GPAM: variants seen among roughly 807,000 people sequenced by gnomAD.
GPAM encodes the protein glycerol-3-phosphate acyltransferase 1, mitochondrial.
GPAM carries 56 observed loss-of-function variants against 105.0 expected under a neutral mutation model. The ratio of observed to expected loss-of-function variants is 0.53; its 90% CI spans 0.43 to 0.67. The LOEUF is 0.67. GPAM is among the 30% of genes least tolerant of loss of function. GPAM has a pLI of 0.00. For missense variants in GPAM, 855 were observed against 989.8 expected, an observed-to-expected ratio of 0.86 and a Z score of 1.83; for synonymous variants, 368 against 354.4, an observed-to-expected ratio of 1.04 and a Z score of -0.43.
At chr10:112,209,775 C>G (rs1049085278) in intron 1 of GPAM, among the ~76,000 whole-genome samples, 2 of 152,208 alleles carry the variant, frequency 1.3e-5, no homozygotes, top group Admixed American at 1.3e-4. Context: ...GGCAACCATC[C>G]CTTTCCTGCA....
the GPAM span, among the ~76,000 whole-genome samples, chr10:112,224,207 A>G: frequency 6.6e-6 from 1 of 152,178 alleles, no homozygotes; most frequent in Non-Finnish European, 1.5e-5. Context: ...CCTTCAATGT[A>G]AAACATTCTT....
intron 19 of GPAM, chr10:112,156,349 C>A: frequency 2.6e-6 from 1 of 389,430 alleles, no homozygotes; most frequent in Non-Finnish European, 4.8e-6. Flanking sequence ...TTGTGATACG[C>A]TGTCATCACT....
intron 20 of GPAM, chr10:112,155,289 T>C (rs1460381109): frequency 6.0e-6 from 1 of 166,114 alleles, no homozygotes; most frequent in Non-Finnish European, 1.3e-5. Context: ...CAATCACACC[T>C]CCTAAAACAA....
intron 1 of GPAM, among the ~76,000 whole-genome samples, chr10:112,203,209 G>C (rs1227818582): frequency 1.3e-5 from 2 of 152,298 alleles, no homozygotes; most frequent in African/African-American, 4.8e-5. Flanking sequence ...CTCTGGGGTA[G>C]CCCTAGGTAT....
At chr10:112,188,119 C>G (rs1029393410), upstream of GPAM, among the ~76,000 whole-genome samples, 1 of 151,786 alleles carries the variant, frequency 6.6e-6, no homozygotes, top group African/African-American at 2.4e-5. Context: ...TCAGATTCAG[C>G]CTTAAGAAAA....
the GPAM span, among the ~76,000 whole-genome samples, chr10:112,220,674 C>T: frequency 1.2e-4 from 19 of 152,064 alleles, no homozygotes; most frequent in African/African-American, 4.3e-4. Flanking sequence ...AATTACTTTG[C>T]TGCAGCTATC....
intron 1 of GPAM, among the ~76,000 whole-genome samples, chr10:112,211,020 G>A (rs115647258): frequency 0.012 from 1,883 of 152,352 alleles, 33 homozygotes; most frequent in African/African-American, 0.044. Flanking sequence ...CAGGCAGGAC[G>A]TGCAGGTGCT....
Position 112,150,844 on chromosome 10 carries a change from C to T in GPAM, c.*2706G>A, listed in dbSNP as rs1266635093. 1 of 984,866 alleles carries T rather than the reference C, an allele frequency of 1.0e-6. No homozygotes were observed. Among genetic ancestry groups the T allele is most frequent in the Middle Eastern group, 5.2e-4 (1 of 1,914 alleles). 61.0% of individuals were successfully genotyped at this position (984,866 alleles called of 1,614,324 possible). ...GCTATGGGAAATGCTTTTCCCCATC[C>T]AGGTTACTGGCAATTCCACAATTTG... is the stretch of plus-strand genomic sequence containing the variant. On this transcript the variant is annotated 3_prime_UTR_variant, in exon 22 of 22. Coordinates refer to ENST00000348367, the MANE Select transcript of GPAM (RefSeq NM_001244949.2).
upstream of GPAM, among the ~76,000 whole-genome samples, chr10:112,220,279 T>C (rs1404147191): frequency 6.6e-6 from 1 of 152,190 alleles, no homozygotes; most frequent in Non-Finnish European, 1.5e-5. Context: ...TTCGGGTGAT[T>C]GATTTGTGTA....
Position 112,173,086 on chromosome 10 carries a change from A to C in GPAM, c.561-20T>G, listed in dbSNP as rs35116854. 61,863 of 1,366,956 alleles carry C rather than the reference A, an allele frequency of 0.045. 1,836 individuals carry two copies. The highest frequency in any genetic ancestry group is 0.053 in the Non-Finnish European group (50,828 of 954,548). 84.7% of individuals were successfully genotyped at this position (1,366,956 alleles called of 1,614,324 possible). On this transcript the variant is annotated intron_variant, in intron 7 of 21. Coordinates refer to ENST00000348367, the MANE Select transcript of GPAM (RefSeq NM_001244949.2). ...GTCAGTCTGAAACAAAGTACAAACAAAAAAAACAACATAAATGAACACACG... is the reference window on the plus strand; with the variant it reads ...GTCAGTCTGAAACAAAGTACAAACACAAAAAACAACATAAATGAACACACG...
At chr10:112,204,501 T>C (rs1847837730) in intron 1 of GPAM, among the ~76,000 whole-genome samples, 1 of 151,834 alleles carries the variant, frequency 6.6e-6, no homozygotes, top group Admixed American at 6.6e-5. Flanking sequence ...CCCTCGGTGG[T>C]TGGGGAGAGA....
At chr10:112,209,964 GGCAA>G (rs2133305022) in intron 1 of GPAM, among the ~76,000 whole-genome samples, 1 of 152,232 alleles carries the variant, frequency 6.6e-6, no homozygotes, top group Non-Finnish European at 1.5e-5. Flanking sequence ...AGTGCACCCA[GGCAA>G]GGCGGACAGG....
rs538221909 is a variant in GPAM at position 112,164,552 on chromosome 10, G to A, written c.1280C>T (p.Ala427Val). The change falls in exon 13 of 22, where the codon GCG becomes GTG. Residue 427 changes from alanine (A) to valine (V), a missense_variant. Transcript: ENST00000348367. ...TGAAGGAAGTATAGCTGGTAACAAC[G>A]CTTGCTCCAGGGAAAGTAGAGCAGA... is the stretch of plus-strand genomic sequence containing the variant. ...PVSALLSLEQALLPAILPSRP... is the reference protein window; with the variant it reads ...PVSALLSLEQVLLPAILPSRP... The A allele has an allele frequency of 9.4e-6, 15 of 1,602,068 alleles. No homozygotes were observed. Among genetic ancestry groups the A allele is most frequent in the African/African-American group, 8.0e-5 (6 of 74,742 alleles).
At position 112,181,800 on chromosome 10, in the gene GPAM, TC is replaced by T. The variant is rs762036934; in HGVS notation, c.-17del. The T allele has an allele frequency of 1.2e-5, 17 of 1,378,580 alleles. No homozygotes were observed. Among genetic ancestry groups the T allele is most frequent in the Non-Finnish European group, 1.8e-5 (17 of 965,436 alleles). 85.4% of individuals were successfully genotyped at this position (1,378,580 alleles called of 1,614,324 possible). A position where few individuals can be genotyped will look rare whatever the true frequency, so the allele number is the denominator to read the frequency against. On this transcript the variant is annotated 5_prime_UTR_variant, in exon 3 of 22. The change creates a premature stop within an existing upstream ORF in the 5' untranslated region. Transcript: ENST00000348367. ...ATTCATCCATGTCACAAAGTGTAAT[TC>T]CCAAATCATGTGCTATAAAAAATAG...
Position 112,180,561 on chromosome 10 carries a change from G to C in GPAM, c.137C>G (p.Ser46Cys). The C allele has an allele frequency of 2.5e-6, 4 of 1,611,614 alleles. No individual in the cohort carries two copies. The highest frequency in any genetic ancestry group is 3.4e-6 in the Non-Finnish European group (4 of 1,177,766). The change falls in exon 4 of 22, where the codon TCT (serine) becomes TGT (cysteine). Residue 46 changes from serine (S) to cysteine (C), a missense_variant. Ser to Cys is a moderately radical substitution (Grantham distance 112). Transcript: ENST00000348367. ...GCTTTCTTTCCATTTTAAAGTTGCA[G>C]ATCTGAAGATGGTGGGTCTAAAGCC... is the stretch of plus-strand genomic sequence containing the variant. Reference protein sequence around the residue: ...ECGFRPTIFRSATLKWKESLM... With the variant: ...ECGFRPTIFRCATLKWKESLM...
upstream of GPAM, among the ~76,000 whole-genome samples, chr10:112,187,439 C>A (rs772516477): frequency 9.2e-5 from 14 of 152,068 alleles, no homozygotes; most frequent in African/African-American, 3.4e-4. Flanking sequence ...AATTTCAATA[C>A]AAAGAATATT....
rs562152284 is a variant in GPAM, at chr10:112,158,239, G to C, written c.1980+77C>G. On this transcript the variant is annotated intron_variant, in intron 18 of 21. Transcript: ENST00000348367. ...TGCCACCATGCCTGGCCAATTATTG[G>C]TTTAAATAAGTTGTAGAAAAGGTAA... 3.0e-4 allele frequency: 292 copies of C among 974,500 alleles called. 3 individuals carry two copies. In the South Asian group the frequency reaches 3.6e-3, roughly 12 times the overall value. The allele number at this position is 974,500 out of a possible 1,614,324, so 60.4% of individuals were successfully genotyped here. A position where few individuals can be genotyped will look rare whatever the true frequency, so the allele number is the denominator to read the frequency against.
chr10:112,158,174 A>G (rs1439708466), intron 18 of GPAM, 142 bp downstream of exon 18: 3 of 728,694 alleles, frequency 4.1e-6, no homozygotes, highest in African/African-American at 1.7e-5. Context: ...CAGGTGATCC[A>G]CCCGCCTTCA....
intron 21 of GPAM, 73 bp from the exon 22 acceptor site, chr10:112,153,739 C>G: frequency 6.5e-7 from 1 of 1,550,140 alleles, no homozygotes; most frequent in Non-Finnish European, 8.7e-7. Flanking sequence ...CCAACCTGAC[C>G]TGTGGTGTCC....
Sources: allele counts gnomAD v4.1 joint callset (sites outside exome capture counted in the v4.1 genomes callset), GRCh38; gene constraint gnomAD v4.1.1; transcripts MANE v1.5; gene names NCBI Gene and HGNC (gene_info 2026-07-23, HGNC 2026-07-21).